Variants in SOAT2 observed in about 807,000 individuals in gnomAD.
The protein encoded by SOAT2 is sterol O-acyltransferase 2.
Under a neutral mutation model 76.0 loss-of-function variants are expected in SOAT2, and 87 were observed. The observed-to-expected ratio is 1.14, with a 90% CI of 0.96 to 1.37. SOAT2 has a LOEUF of 1.37. Ranked by LOEUF, SOAT2 falls within the 40% of genes most tolerant of loss-of-function variation. SOAT2 has a pLI of 0.00. For missense variants in SOAT2, 686 were observed against 682.1 expected, an observed-to-expected ratio of 1.01 and a Z score of -0.06; for synonymous variants, 285 against 275.4, an observed-to-expected ratio of 1.03 and a Z score of -0.34.
In SOAT2 at chr12:53,103,617, G is replaced by A. The variant is rs1175475224; in HGVS notation, c.40G>A (p.Glu14Lys). The A allele has an allele frequency of 6.5e-7, 1 of 1,545,988 alleles. No individual in the cohort carries two copies. Among genetic ancestry groups the A allele is most frequent in the Admixed American group, 2.0e-5 (1 of 50,688 alleles). The change falls in exon 1 of 15, where the codon GAA becomes AAA. Residue 14 changes from glutamate (E) to lysine (K), a missense_variant. Physicochemically the swap from Glu to Lys is moderately conservative, Grantham distance 56 (BLOSUM62 1). Coordinates refer to ENST00000301466, the MANE Select transcript of SOAT2 (RefSeq NM_003578.4). ...GGARLRLQRTEGLGGERERQP... is the reference protein window; with the variant it reads ...GGARLRLQRTKGLGGERERQP... ...GGCCCGTCTGCGTCTGCAGAGGACAGAAGGGCTGGGAGGGGAGCGGGAGCG... is the reference window on the plus strand; with the variant it reads ...GGCCCGTCTGCGTCTGCAGAGGACAAAAGGGCTGGGAGGGGAGCGGGAGCG...
intron 12 of SOAT2, 97 bp from the exon 13 acceptor site, chr12:53,122,984 G>A (rs949628813): frequency 3.8e-5 from 52 of 1,352,972 alleles, no homozygotes; most frequent in South Asian, 9.4e-5. Flanking sequence ...CCTCCCTGCC[G>A]GACTGGGCGG....
rs757442410 is a variant in SOAT2 at position 53,119,228 on chromosome 12, CTCTA to C, written c.1017_1020del (p.Ile340CysfsTer81). On this transcript the variant is annotated frameshift_variant, in exon 10 of 15. Coordinates refer to ENST00000301466, the MANE Select transcript of SOAT2 (RefSeq NM_003578.4). LOFTEE classifies it high-confidence loss of function. ...CCTTCAGCACCCGTGCCCTGGTGCT[CTCTA>C]TCCTGCATGCCACGTTGCCAGGTGA... 5.0e-5 allele frequency: 80 copies of C among 1,614,104 alleles called. No homozygotes were observed. In the Middle Eastern group the frequency reaches 3.8e-3, roughly 77 times the overall value.
intron 2 of SOAT2, among the ~76,000 whole-genome samples, chr12:53,104,791 A>G (rs553468989): frequency 4.8e-4 from 73 of 151,418 alleles, no homozygotes; most frequent in Non-Finnish European, 8.5e-4. Context: ...TCACTCCCTG[A>G]TCCTCGCTGC....
chr12:53,106,081 C>A, intron 5 of SOAT2, 67 bp downstream of exon 5: 1 of 1,131,884 alleles, frequency 8.8e-7, no homozygotes, highest in Non-Finnish European at 1.3e-6. Context: ...CTCAGTGCCC[C>A]ACCTGCCCTT....
chr12:53,105,345 C>T, intron 3 of SOAT2, 102 bp downstream of exon 3: 1 of 1,414,438 alleles, frequency 7.1e-7, no homozygotes, highest in Non-Finnish European at 9.6e-7. Flanking sequence ...ACCGTGACTC[C>T]AGCCTTCCCT....
In SOAT2 at chr12:53,103,670, C is replaced by T. The variant is rs1937875101; in HGVS notation, c.82+11C>T. 6.6e-7 allele frequency: 1 copy of T among 1,517,820 alleles called. No individual in the cohort carries two copies. The highest frequency in any genetic ancestry group is 1.4e-5 in the African/African-American group (1 of 72,476). 94.0% of individuals were successfully genotyped at this position (1,517,820 alleles called of 1,614,324 possible). A position where few individuals can be genotyped will look rare whatever the true frequency, so the allele number is the denominator to read the frequency against. On this transcript the variant is annotated intron_variant, in intron 1 of 14. Transcript: ENST00000301466. ...AACCCTGTGGAGATGGTGAGCCGCC[C>T]TCGGGGGTGCAGAAGGCACAGGCAA...
intron 10 of SOAT2, among the ~76,000 whole-genome samples, chr12:53,120,400 C>T (rs371578821): frequency 6.6e-6 from 1 of 151,948 alleles, no homozygotes; most frequent in Non-Finnish European, 1.5e-5. Flanking sequence ...ACCCAGGAGG[C>T]GGAGCTTGCA....
At position 53,115,444 on chromosome 12, in the gene SOAT2, G is replaced by A. The variant is rs1273124306; in HGVS notation, c.498G>A (p.Ala166=). The change falls in exon 6 of 15, where the codon GCG becomes GCA. Residue 166 remains alanine, a synonymous_variant. Transcript: ENST00000301466. ...TCAGCTTCGGACAGCTGCCATTGGC[G>A]CTGGTGACCTGGGTGCCCATGTTTC... ...LIFSFGQLPL[A]LVTWVPMFLS... 7 of 1,612,250 alleles carry A rather than the reference G, an allele frequency of 4.3e-6. No homozygotes were observed. Among genetic ancestry groups the A allele is most frequent in the Non-Finnish European group, 5.9e-6 (7 of 1,179,482 alleles).
Position 53,115,540 on chromosome 12 carries a change from C to A in SOAT2, c.594C>A (p.Gly198=), listed in dbSNP as rs1938089106. Residue 198 remains glycine (G), a synonymous_variant, in exon 6 of 15, where the codon GGC becomes GGA. Coordinates refer to ENST00000301466, the MANE Select transcript of SOAT2 (RefSeq NM_003578.4). ...WARGTWTQAT[G]LGCALLAAHA... is the part of the protein sequence containing the mutation. ...GGGGCACCTGGACGCAGGCGACGGG[C>A]CTGGGCTGTGCGCTGCTAGCCGCCC... The A allele has an allele frequency of 1.9e-6, 3 of 1,600,036 alleles. No homozygotes were observed. The highest frequency in any genetic ancestry group is 2.5e-6 in the Non-Finnish European group (3 of 1,177,730).
rs567093307 is a variant in SOAT2, at chr12:53,123,004, C to G, written c.1237-77C>G. The G allele has an allele frequency of 1.3e-5, 19 of 1,428,592 alleles. No homozygotes were observed. In the African/African-American group the frequency reaches 2.4e-4, roughly 18 times the overall value. The allele number at this position is 1,428,592 out of a possible 1,614,324, so 88.5% of individuals were successfully genotyped here. A position where few individuals can be genotyped will look rare whatever the true frequency, so the allele number is the denominator to read the frequency against. On this transcript the variant is annotated intron_variant, in intron 12 of 14. Coordinates refer to ENST00000301466, the MANE Select transcript of SOAT2 (RefSeq NM_003578.4). ...CTGCCGGACTGGGCGGCTGGCCGGG[C>G]GGGGGGCTGGAGGTGGGGGCTCTTT...
intron 7 of SOAT2, 52 bp from the exon 8 acceptor site, chr12:53,118,298 C>G: frequency 8.5e-7 from 1 of 1,178,716 alleles, no homozygotes; most frequent in Non-Finnish European, 1.3e-6. Context: ...GCCCCCTCAC[C>G]TCTGCCCTCT....
chr12:53,122,729 T>C (rs868734395), intron 12 of SOAT2, among the ~76,000 whole-genome samples: 15 of 152,326 alleles, frequency 9.8e-5, no homozygotes, highest in East Asian at 3.9e-4. Flanking sequence ...CCCATGTCTA[T>C]TTCTTTCTAC....
intron 2 of SOAT2, 96 bp from the exon 3 acceptor site, chr12:53,105,011 T>C (rs1281659454): frequency 4.8e-5 from 54 of 1,134,394 alleles, no homozygotes; most frequent in Non-Finnish European, 6.2e-5. Flanking sequence ...AAAAAAGCAC[T>C]GTGCCTGGCA....
chr12:53,104,289 C>CTTTTTT, intron 2 of SOAT2, 83 bp downstream of exon 2: 1 of 520,384 alleles, frequency 1.9e-6, no homozygotes, highest in East Asian at 4.3e-5. Context: ...ATAAAGATGA[C>CTTTTTT]TTTTTTTTTT....
At chr12:53,103,697 T>G (rs1360875871) in intron 1 of SOAT2, 38 bp downstream of exon 1, 31 of 1,442,210 alleles carry the variant, frequency 2.1e-5, no homozygotes, top group South Asian at 2.7e-5. Flanking sequence ...CACAGGCAAG[T>G]GGGGGGGAGG....
chr12:53,104,504 C>T lies in SOAT2; in HGVS notation c.138+298C>T, dbSNP rs138905592. Reference sequence around the variant, plus strand: ...GGCCAGGCTGGTCTTGAACTCCTGACCTCAAGTGATCTACCCGCCTCGGCC... The same window carrying T: ...GGCCAGGCTGGTCTTGAACTCCTGATCTCAAGTGATCTACCCGCCTCGGCC... On this transcript the variant is annotated intron_variant, in intron 2 of 14. Coordinates refer to ENST00000301466, the MANE Select transcript of SOAT2 (RefSeq NM_003578.4). Among the ~76,000 whole-genome samples the T allele has an allele frequency of 9.8e-3, 1,484 of 151,962 alleles. 13 individuals carry two copies. Among genetic ancestry groups the T allele is most frequent in the Middle Eastern group, 0.027 (8 of 294 alleles).
intron 1 of SOAT2, 59 bp from the exon 2 acceptor site, chr12:53,104,092 T>G: frequency 6.9e-7 from 1 of 1,444,832 alleles, no homozygotes; most frequent in Non-Finnish European, 9.7e-7. Flanking sequence ...ACAGGATGCC[T>G]CTGGGTCTGC....
At chr12:53,123,297 G>A in intron 13 of SOAT2, 81 bp downstream of exon 13, 1 of 1,562,494 alleles carries the variant, frequency 6.4e-7, no homozygotes, top group Non-Finnish European at 8.8e-7. Flanking sequence ...CAGACTGATG[G>A]TGGGAGGCCT....
intron 5 of SOAT2, among the ~76,000 whole-genome samples, chr12:53,108,462 T>C (rs948221013): frequency 6.6e-6 from 1 of 152,204 alleles, no homozygotes; most frequent in Admixed American, 6.5e-5. Context: ...ATATTGCAAA[T>C]AGTTTCCAAA....
Sources: allele counts gnomAD v4.1 joint callset (sites outside exome capture counted in the v4.1 genomes callset), GRCh38; gene constraint gnomAD v4.1.1; transcripts MANE v1.5; gene names NCBI Gene and HGNC (gene_info 2026-07-23, HGNC 2026-07-21).